The following IGFN1 variants were observed in gnomAD, a reference collection of about 807,000 sequenced individuals.
IGFN1 encodes immunoglobulin-like and fibronectin type III domain-containing protein 1.
In IGFN1, 253 loss-of-function variants were observed where a neutral mutation model predicts 289.5. The ratio of observed to expected loss-of-function variants is 0.87; its 90% CI spans 0.79 to 0.97. The LOEUF is 0.97. Among genes scored for constraint, IGFN1 ranks in the 50% least tolerant of loss-of-function variants. The probability of loss-of-function intolerance (pLI) is 0.00; values close to 1 mark genes in which losing one functional copy is unlikely to be tolerated. For synonymous variants in IGFN1, 1,706 were observed against 1,788.5 expected, an observed-to-expected ratio of 0.95 and a Z score of 1.16; for missense variants, 4,470 against 4,686.1, an observed-to-expected ratio of 0.95 and a Z score of 1.35.
At chr1:201,221,811 G>A (rs1343074236) in intron 19 of IGFN1, 65 bp downstream of exon 19, 2 of 1,397,700 alleles carry the variant, frequency 1.4e-6, no homozygotes, top group East Asian at 2.3e-5. Flanking sequence ...GGGCCCCTGA[G>A]TAGCCGCAAT....
At chr1:201,191,593 T>C (rs541143427) in intron 1 of IGFN1, among the ~76,000 whole-genome samples, 1 of 152,324 alleles carries the variant, frequency 6.6e-6, no homozygotes, top group South Asian at 2.1e-4. Context: ...CCCTTCCAAC[T>C]GAGACTACAT....
At position 201,195,561 on chromosome 1, in the gene IGFN1, C is replaced by G. The variant is rs138040719; in HGVS notation, c.128-278C>G. Among the ~76,000 whole-genome samples the G allele has an allele frequency of 1.4e-4, 22 of 152,264 alleles. No homozygotes were observed. The East Asian group carries it at 4.3e-3, about 29-fold the overall frequency. ...TCCCCTAAAGCCCTGCTGGCCTCCC[C>G]TTTCACCAGGGCCAGTCCACCTGTC... On this transcript the variant is annotated intron_variant, in intron 3 of 23. Transcript: ENST00000335211.
In IGFN1 at chr1:201,206,520, C is replaced by T. The variant is rs10920143; in HGVS notation, c.1627C>T (p.Arg543Cys). The T allele has an allele frequency of 1.7e-5, 27 of 1,551,184 alleles. No individual in the cohort carries two copies. Among genetic ancestry groups the T allele is most frequent in the East Asian group, 2.4e-5 (1 of 40,920 alleles). The change falls in exon 12 of 24, where the codon CGT (arginine) becomes TGT (cysteine). Residue 543 changes from arginine (R) to cysteine (C), a missense_variant. Coordinates refer to ENST00000335211, the MANE Select transcript of IGFN1 (RefSeq NM_001164586.2). ...LGLPEKQQQD[R>C]GRDSNSDECW... The stretch of plus-strand genomic sequence containing the variant: ...CCTCCCAGAAAAACAACAGCAAGAT[C>T]GTGGCAGAGACAGCAACAGTGATGA...
intron 5 of IGFN1, 44 bp downstream of exon 5, chr1:201,197,361 G>A: frequency 8.2e-7 from 1 of 1,215,750 alleles, no homozygotes; most frequent in Non-Finnish European, 1.2e-6. Context: ...ACAGGGCAGA[G>A]ACCCACAGAG....
In IGFN1 at chr1:201,209,005, G is replaced by A. The variant is rs1558144571; in HGVS notation, c.4112G>A (p.Gly1371Glu). ...SGGLKGSREI[G>E]SMDETDNRKD... is the part of the protein sequence containing the mutation. ...GGTTTAAAGGGTTCCAGGGAAATCGGGTCAATGGATGAAACAGATAATAGG... is the reference window on the plus strand; with the variant it reads ...GGTTTAAAGGGTTCCAGGGAAATCGAGTCAATGGATGAAACAGATAATAGG... Residue 1371 changes from glycine (G) to glutamate (E), a missense_variant, in exon 12 of 24, where the codon GGG (glycine) becomes GAG (glutamate). Physicochemically the swap from Gly to Glu is moderately conservative, Grantham distance 98 (BLOSUM62 -2). Transcript: ENST00000335211. 3 of 1,536,738 alleles carry A rather than the reference G, an allele frequency of 2.0e-6. No individual in the cohort carries two copies. The East Asian group carries it at 7.3e-5, about 38-fold the overall frequency.
chr1:201,216,922 G>A (rs1441588879), intron 16 of IGFN1, among the ~76,000 whole-genome samples, 169 bp downstream of exon 16: 1 of 152,068 alleles, frequency 6.6e-6, no homozygotes, highest in Non-Finnish European at 1.5e-5. Context: ...TTGGGATCTG[G>A]CACCCAGATC....
intron 20 of IGFN1, chr1:201,223,159 G>A (rs1008818224): frequency 9.7e-6 from 2 of 205,202 alleles, no homozygotes; most frequent in Non-Finnish European, 1.9e-5. Flanking sequence ...GGAGCCGGTC[G>A]TGCAGATGAT....
At chr1:201,200,610 G>C (rs1036199578) in intron 8 of IGFN1, among the ~76,000 whole-genome samples, 199 bp downstream of exon 8, 1 of 152,134 alleles carries the variant, frequency 6.6e-6, no homozygotes, top group East Asian at 1.9e-4. Context: ...TTTGCAACCT[G>C]GTTCTGATAC....
In IGFN1 at chr1:201,191,421, T is replaced by C. The variant is rs765259480; in HGVS notation, c.-48+514T>C. Among the ~76,000 whole-genome samples, 41 of 152,064 alleles carry C rather than the reference T, an allele frequency of 2.7e-4. 1 individual carries two copies. The highest frequency in any genetic ancestry group is 6.6e-4 in the Admixed American group (10 of 15,262). ...AAAAAGGATGGGGAGCCATAGGTCC[T>C]GGAGAGGGGGCAGGGAGGGACTGTC... On this transcript the variant is annotated intron_variant, in intron 1 of 23. Coordinates refer to ENST00000335211, the MANE Select transcript of IGFN1 (RefSeq NM_001164586.2).
At position 201,214,626 on chromosome 1, in the gene IGFN1, G is replaced by T. The variant is rs566416507; in HGVS notation, c.8853+325G>T. Among the ~76,000 whole-genome samples the T allele has an allele frequency of 1.1e-4, 17 of 152,114 alleles. No individual in the cohort carries two copies. In the South Asian group the frequency reaches 3.5e-3, roughly 32 times the overall value. On this transcript the variant is annotated intron_variant, in intron 13 of 23. Transcript: ENST00000335211. ...ATCGTCTCATCCCAACCAGAAGGGG[G>T]CCCTCGTCTCCCTGCACAATCCTCT...
rs1310860888 is a variant in IGFN1 at position 201,211,419 on chromosome 1, G to A, written c.6526G>A (p.Ala2176Thr). 4 of 1,500,702 alleles carry A rather than the reference G, an allele frequency of 2.7e-6. No individual in the cohort carries two copies. The highest frequency in any genetic ancestry group is 2.7e-6 in the Non-Finnish European group (3 of 1,125,500). 93.0% of individuals were successfully genotyped at this position (1,500,702 alleles called of 1,614,324 possible). Residue 2176 changes from alanine (A) to threonine (T), a missense_variant, in exon 12 of 24, where the codon GCA becomes ACA. Coordinates refer to ENST00000335211, the MANE Select transcript of IGFN1 (RefSeq NM_001164586.2). Reference sequence around the variant, plus strand: ...TGGGGAAATGGGGTCAATGGATGAGGCAGGTTATAGGAAGGATTTGGGAGC... The same window carrying A: ...TGGGGAAATGGGGTCAATGGATGAGACAGGTTATAGGAAGGATTTGGGAGC... ...SSGEMGSMDE[A>T]GYRKDLGAPE...
At chr1:201,226,715 G>T (rs538094466) in intron 22 of IGFN1, among the ~76,000 whole-genome samples, 167 bp from the exon 23 acceptor site, 1 of 152,190 alleles carries the variant, frequency 6.6e-6, no homozygotes, top group Non-Finnish European at 1.5e-5. Flanking sequence ...TTTAGGAAAA[G>T]GATAGAATGA....
At chr1:201,192,127 G>A (rs540160539) in intron 1 of IGFN1, among the ~76,000 whole-genome samples, 48 of 152,320 alleles carry the variant, frequency 3.2e-4, no homozygotes, top group African/African-American at 1.0e-3. Flanking sequence ...ACTCCAGAAC[G>A]CAGTTGGCGT....
Position 201,221,644 on chromosome 1 carries a change from C to G in IGFN1, c.10099C>G (p.Arg3367Gly). ...PVTTYTAKGL[R>G]PGEGYFVRVT... ...CACCACCTACACGGCCAAGGGGCTTCGGCCTGGAGAGGGCTACTTCGTGCG... is the reference window on the plus strand; with the variant it reads ...CACCACCTACACGGCCAAGGGGCTTGGGCCTGGAGAGGGCTACTTCGTGCG... The change falls in exon 19 of 24, where the codon CGG becomes GGG. Residue 3367 changes from arginine (R) to glycine (G), a missense_variant. Physicochemically the swap from Arg to Gly is moderately radical, Grantham distance 125. Around this residue, in one of 8 missense-constraint regions of IGFN1, gnomAD observed 2,218 missense variants for 2,114.1 expected, o/e 1.05. Coordinates refer to ENST00000335211, the MANE Select transcript of IGFN1 (RefSeq NM_001164586.2). 6.2e-7 allele frequency: 1 copy of G among 1,614,212 alleles called. No individual in the cohort carries two copies. The highest frequency in any genetic ancestry group is 8.5e-7 in the Non-Finnish European group (1 of 1,180,016).
chr1:201,226,239 G>C, intron 22 of IGFN1, 116 bp downstream of exon 22: 1 of 1,195,306 alleles, frequency 8.4e-7, no homozygotes, highest in Non-Finnish European at 1.1e-6. Flanking sequence ...GGGATGGCCT[G>C]GAGCATGCCA....
At position 201,221,476 on chromosome 1, in the gene IGFN1, A is replaced by G. The variant is rs370519814; in HGVS notation, c.9931A>G (p.Thr3311Ala). ...TGGGCTGGTGAGGAATCTCCAAGTC[A>G]CAGACAGATCGAACACCAGCATCAC... is the stretch of plus-strand genomic sequence containing the variant. ...PPGLVRNLQVTDRSNTSITLS... is the reference protein window; with the variant it reads ...PPGLVRNLQVADRSNTSITLS... Residue 3311 changes from threonine to alanine, a missense_variant, in exon 19 of 24, where the codon ACA becomes GCA. Around this residue, in one of 8 missense-constraint regions of IGFN1, gnomAD observed 2,218 missense variants for 2,114.1 expected, o/e 1.05. Coordinates refer to ENST00000335211, the MANE Select transcript of IGFN1 (RefSeq NM_001164586.2). 4.6e-5 allele frequency: 74 copies of G among 1,610,052 alleles called. 2 individuals carry two copies. The African/African-American group carries it at 8.8e-4, about 19-fold the overall frequency.
intron 5 of IGFN1, among the ~76,000 whole-genome samples, chr1:201,197,829 G>A (rs1365633854): frequency 6.6e-6 from 1 of 152,144 alleles, no homozygotes; most frequent in African/African-American, 2.4e-5. Flanking sequence ...GTCTAGTCTC[G>A]CCATTGGTTA....
intron 7 of IGFN1, 23 bp downstream of exon 7, chr1:201,199,677 G>A: frequency 6.5e-7 from 1 of 1,549,606 alleles, no homozygotes; most frequent in Non-Finnish European, 8.7e-7. Context: ...CTGTCCATGA[G>A]GGATTTTGGA....
At position 201,209,275 on chromosome 1, in the gene IGFN1, G is replaced by C; in HGVS notation, c.4382G>C (p.Arg1461Thr). 7 of 1,486,436 alleles carry C rather than the reference G, an allele frequency of 4.7e-6. No homozygotes were observed. The highest frequency in any genetic ancestry group is 6.2e-6 in the Non-Finnish European group (7 of 1,128,894). The allele number at this position is 1,486,436 out of a possible 1,614,324, so 92.1% of individuals were successfully genotyped here. A position where few individuals can be genotyped will look rare whatever the true frequency, so the allele number is the denominator to read the frequency against. ...AGGTCAATGGATGAGGCAGGTTATA[G>C]GAAAAATTTGGGAGCTCCTGAGAGA... ...EMRSMDEAGY[R>T]KNLGAPERMD... is the part of the protein sequence containing the mutation. The change falls in exon 12 of 24, where the codon AGG (arginine) becomes ACG (threonine). Residue 1461 changes from arginine to threonine, a missense_variant. Coordinates refer to ENST00000335211, the MANE Select transcript of IGFN1 (RefSeq NM_001164586.2).
Sources: allele counts gnomAD v4.1 joint callset (sites outside exome capture counted in the v4.1 genomes callset), GRCh38; gene constraint gnomAD v4.1.1; regional missense constraint gnomAD v4.1.1; transcripts MANE v1.5; gene names NCBI Gene and HGNC (gene_info 2026-07-23, HGNC 2026-07-21).